CLSTN2: variants seen among roughly 807,000 people sequenced by gnomAD.
CLSTN2 encodes the protein calsyntenin 2.
In CLSTN2, 48 loss-of-function variants were observed where a neutral mutation model predicts 101.2. That is an observed-to-expected ratio of 0.47 (90% confidence interval 0.38 to 0.60). The LOEUF is 0.60. Ranked by LOEUF, CLSTN2 falls within the 20% of genes least tolerant of loss-of-function variation. The probability of loss-of-function intolerance (pLI) is 0.00; values close to 1 mark genes in which losing one functional copy is unlikely to be tolerated. For synonymous variants in CLSTN2, 481 were observed against 463.6 expected (o/e 1.04, Z -0.48); for missense variants, 1,160 against 1,238.2 (o/e 0.94, Z 0.95).
intron 2 of CLSTN2, among the ~76,000 whole-genome samples, chr3:140,334,456 G>T (rs1197026926): frequency 6.6e-6 from 1 of 152,170 alleles, no homozygotes; most frequent in African/African-American, 2.4e-5. Flanking sequence ...TAGTACATTT[G>T]CTTTTCTGTG....
chr3:140,011,075 G>C (rs890840653), intron 1 of CLSTN2, among the ~76,000 whole-genome samples: 2 of 152,140 alleles, frequency 1.3e-5, no homozygotes, highest in Admixed American at 1.3e-4. Flanking sequence ...AGGATAAACA[G>C]GTTGCTGGCC....
At chr3:140,273,285 G>T (rs2086761889) in intron 2 of CLSTN2, among the ~76,000 whole-genome samples, 1 of 152,004 alleles carries the variant, frequency 6.6e-6, no homozygotes, top group African/African-American at 2.4e-5. Flanking sequence ...CCTAGATGAT[G>T]GGTTGATAGT....
intron 2 of CLSTN2, among the ~76,000 whole-genome samples, chr3:140,199,381 T>C (rs1342239106): frequency 6.6e-6 from 1 of 152,178 alleles, no homozygotes; most frequent in Non-Finnish European, 1.5e-5. Context: ...CTAAACACAT[T>C]CTTGGGCTTC....
chr3:140,348,039 G>A (rs1389072154), intron 2 of CLSTN2, among the ~76,000 whole-genome samples: 1 of 152,170 alleles, frequency 6.6e-6, no homozygotes, highest in Non-Finnish European at 1.5e-5. Flanking sequence ...CTGTCAGTTG[G>A]AAAGGAAGAG....
intron 1 of CLSTN2, among the ~76,000 whole-genome samples, chr3:140,127,185 A>G (rs2009448795): frequency 6.6e-6 from 1 of 152,166 alleles, no homozygotes; most frequent in African/African-American, 2.4e-5. Context: ...ATCAACACAG[A>G]TAGTAACAAT....
At chr3:139,968,991 G>T (rs1351595473) in intron 1 of CLSTN2, among the ~76,000 whole-genome samples, 1 of 152,124 alleles carries the variant, frequency 6.6e-6, no homozygotes, top group Non-Finnish European at 1.5e-5. Context: ...GCTTGGAAAA[G>T]TAAAGAGAAC....
At chr3:140,185,705 C>T (rs1033892528) in intron 2 of CLSTN2, among the ~76,000 whole-genome samples, 12 of 150,828 alleles carry the variant, frequency 8.0e-5, no homozygotes, top group African/African-American at 2.7e-4. Context: ...GTGGGGGGCA[C>T]GTGGGGAAGG....
intron 2 of CLSTN2, among the ~76,000 whole-genome samples, chr3:140,283,829 G>C (rs2086871004): frequency 6.6e-6 from 1 of 152,004 alleles, no homozygotes; most frequent in Non-Finnish European, 1.5e-5. Context: ...TTCTTTGATT[G>C]CTTCTCCCCT....
intron 1 of CLSTN2, among the ~76,000 whole-genome samples, chr3:139,949,204 T>C (rs192005111): frequency 5.3e-5 from 8 of 152,308 alleles, no homozygotes; most frequent in Admixed American, 2.6e-4. Context: ...TGCTCACCTA[T>C]CTGCGCCTCA....
chr3:140,480,619 CT>C (rs1370688197), intron 8 of CLSTN2, among the ~76,000 whole-genome samples: 9 of 152,182 alleles, frequency 5.9e-5, no homozygotes, highest in Admixed American at 6.5e-5. Flanking sequence ...TGTTTCCTGA[CT>C]TTTTAATGAT....
intron 2 of CLSTN2, among the ~76,000 whole-genome samples, chr3:140,187,850 G>A (rs912123411): frequency 7.9e-5 from 12 of 152,166 alleles, no homozygotes; most frequent in East Asian, 3.9e-4. Flanking sequence ...CCAACGTGGT[G>A]TAGTCAGACA....
At chr3:140,051,726 C>T (rs1328502644) in intron 1 of CLSTN2, among the ~76,000 whole-genome samples, 1 of 152,186 alleles carries the variant, frequency 6.6e-6, no homozygotes, top group Non-Finnish European at 1.5e-5. Flanking sequence ...TCATTCATAT[C>T]AGAGATGGTG....
intron 1 of CLSTN2, among the ~76,000 whole-genome samples, chr3:140,154,706 C>T (rs1243424238): frequency 1.4e-5 from 2 of 145,126 alleles, no homozygotes; most frequent in African/African-American, 5.1e-5. Context: ...GTGCAGTGGC[C>T]CGATCTCGGC....
At chr3:140,010,886 C>T (rs376477312) in intron 1 of CLSTN2, among the ~76,000 whole-genome samples, 2 of 152,350 alleles carry the variant, frequency 1.3e-5, no homozygotes, top group East Asian at 3.9e-4. Flanking sequence ...CAACTTTAAA[C>T]AAGAAGGGCC....
chr3:140,475,740 C>A (rs761999516), intron 8 of CLSTN2, among the ~76,000 whole-genome samples: 5 of 152,188 alleles, frequency 3.3e-5, no homozygotes, highest in Non-Finnish European at 5.9e-5. Flanking sequence ...ACCTGCTCAG[C>A]AATTCCGTTT....
chr3:140,353,449 A>C (rs2087633630), intron 2 of CLSTN2, among the ~76,000 whole-genome samples: 1 of 152,004 alleles, frequency 6.6e-6, no homozygotes, highest in Admixed American at 6.5e-5. Flanking sequence ...TCGCCTTTTG[A>C]CATTTTTCTG....
At position 140,404,720 on chromosome 3, in the gene CLSTN2, C is replaced by G; in HGVS notation, c.591C>G (p.Asn197Lys). The G allele has an allele frequency of 6.2e-7, 1 of 1,614,208 alleles. No homozygotes were observed. ...DCSPQYSQIC[N>K]YEIVTTDVPF... Reference sequence around the variant, plus strand: ...CCCCACAGTACAGCCAGATCTGCAACTATGAAATCGTCACCACAGATGTGC... The same window carrying G: ...CCCCACAGTACAGCCAGATCTGCAAGTATGAAATCGTCACCACAGATGTGC... The change falls in exon 4 of 17, where the codon AAC (asparagine) becomes AAG (lysine). Residue 197 changes from asparagine (N) to lysine (K), a missense_variant. Physicochemically the swap from Asn to Lys is moderately conservative, Grantham distance 94. Coordinates refer to ENST00000458420, the MANE Select transcript of CLSTN2 (RefSeq NM_022131.3).
chr3:140,365,352 TAGG>T (rs984879495), intron 2 of CLSTN2, among the ~76,000 whole-genome samples: 2 of 152,056 alleles, frequency 1.3e-5, no homozygotes, highest in African/African-American at 4.8e-5. Flanking sequence ...GGTGGCGTGC[TAGG>T]AGAAGATATT....
intron 2 of CLSTN2, among the ~76,000 whole-genome samples, chr3:140,246,139 TAGAG>T (rs1343832267): frequency 2.0e-5 from 3 of 152,200 alleles, no homozygotes; most frequent in African/African-American, 7.2e-5. Context: ...ATGACACTGA[TAGAG>T]AATGTTTCCA....
Sources: allele counts gnomAD v4.1 joint callset (sites outside exome capture counted in the v4.1 genomes callset), GRCh38; gene constraint gnomAD v4.1.1; transcripts MANE v1.5; gene names NCBI Gene and HGNC (gene_info 2026-07-23, HGNC 2026-07-21).